Variants in LIN7A observed in about 807,000 individuals in gnomAD.
LIN7A encodes the protein protein lin-7 homolog A.
In LIN7A, 25 loss-of-function variants were observed where a neutral mutation model predicts 29.8. The observed-to-expected ratio is 0.84, with a 90% CI of 0.61 to 1.17. The LOEUF is 1.17. Ranked by LOEUF, LIN7A falls within the 50% of genes most tolerant of loss-of-function variation. The pLI is 0.00. For synonymous variants in LIN7A, 118 were observed against 107.5 expected, an observed-to-expected ratio of 1.10 and a Z score of -0.60; for missense variants, 239 against 287.0, an observed-to-expected ratio of 0.83 and a Z score of 1.21.
chr12:80,910,692 ACTTAT>A (rs1309357985), intron 1 of LIN7A, among the ~76,000 whole-genome samples: 2 of 152,200 alleles, frequency 1.3e-5, no homozygotes, highest in Non-Finnish European at 2.9e-5. Context: ...GTTAAACCAT[ACTTAT>A]CTTCTTGGAA....
chr12:80,917,250 C>A (rs959679431), intron 1 of LIN7A, among the ~76,000 whole-genome samples: 9 of 152,096 alleles, frequency 5.9e-5, no homozygotes, highest in Admixed American at 2.0e-4. Context: ...GGTGAAAGGG[C>A]AAACTGGCAA....
chr12:80,850,146 T>G (rs4143659), intron 2 of LIN7A, among the ~76,000 whole-genome samples: 118,706 of 152,068 alleles, frequency 0.78, 47,433 homozygotes, highest in East Asian at 0.97. Context: ...TAGAAAGTGG[T>G]ATATTCAAGG....
chr12:80,811,736 TG>T, intron 4 of LIN7A, 53 bp from the exon 5 acceptor site: 1 of 1,557,100 alleles, frequency 6.4e-7, no homozygotes, highest in Non-Finnish European at 8.7e-7. Context: ...TTCTTTTCCC[TG>T]GAGACAAATC....
chr12:80,889,173 CTGTT>C, intron 2 of LIN7A, 74 bp downstream of exon 2: 1 of 801,616 alleles, frequency 1.2e-6, no homozygotes, highest in Non-Finnish European at 2.2e-6. Context: ...ACAATTTCAA[CTGTT>C]TGTGTAGAGA....
At chr12:80,854,476 G>A (rs1311628704) in intron 2 of LIN7A, among the ~76,000 whole-genome samples, 3 of 85,246 alleles carry the variant, frequency 3.5e-5, no homozygotes, top group Non-Finnish European at 2.0e-5. Context: ...TGAAATGCAT[G>A]TTGCTAAGCC....
chr12:80,937,609 G>T (rs1878314627), intron 1 of LIN7A, 32 bp downstream of exon 1: 4 of 1,417,582 alleles, frequency 2.8e-6, no homozygotes, highest in East Asian at 5.7e-5. Flanking sequence ...GAGAGGGGAC[G>T]CGGTGGCCTG....
chr12:80,898,459 C>T (rs759395985), intron 1 of LIN7A, among the ~76,000 whole-genome samples: 8 of 151,340 alleles, frequency 5.3e-5, no homozygotes, highest in Non-Finnish European at 1.0e-4. Context: ...ATTGCCTTGG[C>T]TATTTGGGCT....
intron 4 of LIN7A, among the ~76,000 whole-genome samples, chr12:80,831,588 C>A (rs796937897): frequency 1.3e-5 from 2 of 152,212 alleles, no homozygotes; most frequent in African/African-American, 4.8e-5. Flanking sequence ...TGAAACACTG[C>A]CAATATATGC....
chr12:80,833,637 T>C (rs1204069785), intron 4 of LIN7A, among the ~76,000 whole-genome samples: 4 of 152,234 alleles, frequency 2.6e-5, no homozygotes, highest in Non-Finnish European at 5.9e-5. Context: ...TTCCATGATG[T>C]GGCTCAAGCC....
intron 5 of LIN7A, among the ~76,000 whole-genome samples, chr12:80,806,384 A>T (rs1416399009): frequency 6.6e-6 from 1 of 152,214 alleles, no homozygotes; most frequent in African/African-American, 2.4e-5. Flanking sequence ...AGGGGAAAAG[A>T]CTATTGATTT....
rs1332812747 is a variant in LIN7A at position 80,889,262 on chromosome 12, C to T, written c.190G>A (p.Ala64Thr). The change falls in exon 2 of 6, where the codon GCT becomes ACT. Residue 64 changes from alanine to threonine, a missense_variant. Ala to Thr is a moderately conservative substitution (Grantham distance 58). Coordinates refer to ENST00000552864, the MANE Select transcript of LIN7A (RefSeq NM_004664.4). ...TTTTAGTGCCATACCTCTCGAATAG[C>T]TGTACAAAACTCACTCTGAAGCACT... ...KKVLQSEFCT[A>T]IREVYQYMHE... 4 of 1,594,050 alleles carry T rather than the reference C, an allele frequency of 2.5e-6. No individual in the cohort carries two copies. The highest frequency in any genetic ancestry group is 3.4e-6 in the Non-Finnish European group (4 of 1,162,296).
intron 2 of LIN7A, among the ~76,000 whole-genome samples, chr12:80,877,283 C>G (rs897273086): frequency 6.6e-6 from 1 of 151,992 alleles, no homozygotes; most frequent in Non-Finnish European, 1.5e-5. Flanking sequence ...ACTCAAATGT[C>G]CATCTATAAG....
At chr12:80,850,602 C>A (rs1285978730) in intron 2 of LIN7A, among the ~76,000 whole-genome samples, 4 of 152,164 alleles carry the variant, frequency 2.6e-5, no homozygotes, top group Non-Finnish European at 4.4e-5. Flanking sequence ...GCTACTGCAT[C>A]TAGCATGTGG....
chr12:80,854,936 A>T (rs144067594), intron 2 of LIN7A, among the ~76,000 whole-genome samples: 2 of 152,304 alleles, frequency 1.3e-5, no homozygotes, highest in Non-Finnish European at 2.9e-5. Flanking sequence ...TAATAACATG[A>T]CATTCATCCT....
Position 80,792,730 on chromosome 12 carries a change from A to T in LIN7A, c.*4997T>A, listed in dbSNP as rs1870260699. On this transcript the variant is annotated 3_prime_UTR_variant, in exon 6 of 6. Transcript: ENST00000552864. Reference sequence around the variant, plus strand: ...TTCATCTCCAAACTGTGTATTTATTATAAGCCCTTACATCAGGGATTTTGT... The same window carrying T: ...TTCATCTCCAAACTGTGTATTTATTTTAAGCCCTTACATCAGGGATTTTGT... The T allele has an allele frequency of 6.6e-6, 1 of 152,198 alleles. No homozygotes were observed. Among genetic ancestry groups the T allele is most frequent in the Non-Finnish European group, 1.5e-5 (1 of 68,026 alleles). The allele number at this position is 152,198 out of a possible 1,614,324, so 9.4% of individuals were successfully genotyped here.
chr12:80,881,464 T>G (rs1167402075), intron 2 of LIN7A, among the ~76,000 whole-genome samples: 1 of 152,168 alleles, frequency 6.6e-6, no homozygotes, highest in African/African-American at 2.4e-5. Flanking sequence ...TGTGCAAGGA[T>G]AGTAACTTTG....
In LIN7A at chr12:80,807,073, T is replaced by TGTG. The variant is rs1425570475; in HGVS notation, c.*4391_*4392insCAC. On this transcript the variant is annotated intron_variant, in intron 5 of 5. Coordinates refer to ENST00000552864, the MANE Select transcript of LIN7A (RefSeq NM_004664.4). ...TTTAATGAAGATGGAGTTTTTTTTT[T>TGTG]TTTTTTTTTTTTTTTTTTGACGGAG... 9.5e-5 allele frequency among the ~76,000 whole-genome samples: 5 copies of TGTG among 52,646 alleles called. No homozygotes were observed. In the South Asian group the frequency reaches 2.3e-3, roughly 24 times the overall value. The allele number at this position is 52,646 out of a possible 152,430, so 34.5% of individuals were successfully genotyped here.
chr12:80,836,653 T>C (rs1031654507), intron 4 of LIN7A, among the ~76,000 whole-genome samples: 1 of 151,992 alleles, frequency 6.6e-6, no homozygotes, highest in Non-Finnish European at 1.5e-5. Flanking sequence ...AGACCCTGTC[T>C]CAAAAAATAA....
chr12:80,867,630 C>T (rs1284905887), intron 2 of LIN7A, among the ~76,000 whole-genome samples: 3 of 152,104 alleles, frequency 2.0e-5, no homozygotes, highest in Non-Finnish European at 4.4e-5. Context: ...TTTCTTTTGA[C>T]ACGCTTTCTG....
Sources: allele counts gnomAD v4.1 joint callset (sites outside exome capture counted in the v4.1 genomes callset), GRCh38; gene constraint gnomAD v4.1.1; transcripts MANE v1.5; gene names NCBI Gene and HGNC (gene_info 2026-07-23, HGNC 2026-07-21).